Variants in ZCCHC14 observed in about 807,000 individuals in gnomAD.
The protein encoded by ZCCHC14 is zinc finger CCHC domain-containing protein 14.
In ZCCHC14, 16 loss-of-function variants were observed where a neutral mutation model predicts 85.0. The ratio of observed to expected loss-of-function variants is 0.19; its 90% confidence interval spans 0.13 to 0.29. The LOEUF is 0.29. Among genes scored for constraint, ZCCHC14 ranks in the 10% least tolerant of loss-of-function variants. The pLI, the probability that ZCCHC14 is intolerant of heterozygous loss-of-function variation, is 1.00. For missense variants in ZCCHC14, 1,303 were observed against 1,443.5 expected, an observed-to-expected ratio of 0.90 and a Z score of 1.58; for synonymous variants, 775 against 630.7, an observed-to-expected ratio of 1.23 and a Z score of -3.43.
At position 87,406,517 on chromosome 16, in the gene ZCCHC14, AAG is replaced by A. The variant is rs1315228350; in HGVS notation, c.*3761_*3762del. The A allele has an allele frequency of 6.5e-6, 1 of 152,730 alleles. No individual in the cohort carries two copies. Among genetic ancestry groups the A allele is most frequent in the Non-Finnish European group, 1.5e-5 (1 of 68,036 alleles). 9.5% of individuals were successfully genotyped at this position (152,730 alleles called of 1,614,324 possible). A position where few individuals can be genotyped will look rare whatever the true frequency, so the allele number is the denominator to read the frequency against. ...GGGAGAATTTTCCTTCATTCCTAAA[AAG>A]AAAATATGTCCAATAGAAGCTGTGA... On this transcript the variant is annotated 3_prime_UTR_variant, in exon 13 of 13. Coordinates refer to ENST00000671377, the MANE Select transcript of ZCCHC14 (RefSeq NM_015144.3).
intron 2 of ZCCHC14, among the ~76,000 whole-genome samples, chr16:87,437,718 C>T (rs2150741720): frequency 6.6e-6 from 1 of 152,350 alleles, no homozygotes; most frequent in South Asian, 2.1e-4. Context: ...TCCAGGTACA[C>T]AACAGGCATT....
At position 87,492,448 on chromosome 16, in the gene ZCCHC14, G is replaced by A. The variant is rs1215382762; in HGVS notation, c.-210C>T. 1 of 145,020 alleles carries A rather than the reference G, an allele frequency of 6.9e-6. No homozygotes were observed. The highest frequency in any genetic ancestry group is 6.8e-5 in the Admixed American group (1 of 14,656). 9.0% of individuals were successfully genotyped at this position (145,020 alleles called of 1,614,324 possible). On this transcript the variant is annotated 5_prime_UTR_variant, in exon 1 of 13. Coordinates refer to ENST00000671377, the MANE Select transcript of ZCCHC14 (RefSeq NM_015144.3). This position sits in a 1 kb window ranked among gnomAD's most constrained non-coding sequence, Gnocchi z 6.7. ...GGCAAGGCTCCCGTCAGGGGCCGGC[G>A]GGCGGGCGCGCGCGGGGCGCCGGGG...
chr16:87,420,440 C>A lies in ZCCHC14; in HGVS notation c.950+167G>T, dbSNP rs947043473. ...AGAACCACTCTCAGCTTACTGAGGG[C>A]TCCCGAATCCTCCAGAACTAATGGA... is the stretch of plus-strand genomic sequence containing the variant. On this transcript the variant is annotated intron_variant, in intron 5 of 12. Transcript: ENST00000671377. This position sits in a 1 kb window ranked among gnomAD's most constrained non-coding sequence, Gnocchi z 5.0. Among the ~76,000 whole-genome samples the A allele has an allele frequency of 2.6e-5, 4 of 152,180 alleles. No homozygotes were observed. The highest frequency in any genetic ancestry group is 5.9e-5 in the Non-Finnish European group (4 of 68,030).
intron 2 of ZCCHC14, among the ~76,000 whole-genome samples, chr16:87,444,024 G>C (rs1910311449): frequency 7.5e-6 from 1 of 133,942 alleles, no homozygotes; most frequent in Non-Finnish European, 1.6e-5. Context: ...GTGACAGAGT[G>C]AGACTCTATC....
rs151272343 is a variant in ZCCHC14 at position 87,487,611 on chromosome 16, A to G, written c.570+4058T>C. On this transcript the variant is annotated intron_variant, in intron 1 of 12. Transcript: ENST00000671377. Reference sequence around the variant, plus strand: ...GAGCCCTCAGGACAGCCCCGCACCGACACGTGCGCCAGCGGTCCACAGAGG... The same window carrying G: ...GAGCCCTCAGGACAGCCCCGCACCGGCACGTGCGCCAGCGGTCCACAGAGG... Among the ~76,000 whole-genome samples, 699 of 152,376 alleles carry G rather than the reference A, an allele frequency of 4.6e-3. 3 individuals carry two copies. The highest frequency in any genetic ancestry group is 0.015 in the African/African-American group (641 of 41,590).
chr16:87,410,025 A>G lies in ZCCHC14; in HGVS notation c.*255T>C, dbSNP rs993777049. 3 of 357,724 alleles carry G rather than the reference A, an allele frequency of 8.4e-6. No homozygotes were observed. Among genetic ancestry groups the G allele is most frequent in the African/African-American group, 4.3e-5 (2 of 46,996 alleles). The allele number at this position is 357,724 out of a possible 1,614,324, so 22.2% of individuals were successfully genotyped here. A position where few individuals can be genotyped will look rare whatever the true frequency, so the allele number is the denominator to read the frequency against. On this transcript the variant is annotated 3_prime_UTR_variant, in exon 13 of 13. Coordinates refer to ENST00000671377, the MANE Select transcript of ZCCHC14 (RefSeq NM_015144.3). Reference sequence around the variant, plus strand: ...ACATGGCGTCTCTGCACTGCAACCAAAAGTGGAGGTGGCCGATCTCACCAG... The same window carrying G: ...ACATGGCGTCTCTGCACTGCAACCAGAAGTGGAGGTGGCCGATCTCACCAG...
At position 87,467,052 on chromosome 16, in the gene ZCCHC14, T is replaced by G. The variant is rs894060571; in HGVS notation, c.571-6921A>C. On this transcript the variant is annotated intron_variant, in intron 1 of 12. Transcript: ENST00000671377. ...TCATGAAAAAAAAAAATTGTTTTTTTTTTTTTTTTTACTAAAGAGACAGGG... is the reference window on the plus strand; with the variant it reads ...TCATGAAAAAAAAAAATTGTTTTTTGTTTTTTTTTTACTAAAGAGACAGGG... 4.1e-4 allele frequency: 184 copies of G among 451,672 alleles called. 1 individual carries two copies. The highest frequency in any genetic ancestry group is 6.1e-4 in the Non-Finnish European group (154 of 253,226). The allele number at this position is 451,672 out of a possible 1,614,324, so 28.0% of individuals were successfully genotyped here.
At chr16:87,446,447 G>A (rs561656680) in intron 2 of ZCCHC14, among the ~76,000 whole-genome samples, 82 of 149,814 alleles carry the variant, frequency 5.5e-4, no homozygotes, top group African/African-American at 1.7e-3. Flanking sequence ...TTGCGCCACC[G>A]CACTCCAGCC....
At position 87,492,029 on chromosome 16, in the gene ZCCHC14, G is replaced by T; in HGVS notation, c.210C>A (p.Ala70=). ...TCAGGTTGGTGAGGCTGCCCAGGTC[G>T]GCCGGGTTGTTGGCCTTGATCTCCG... ...RDSEIKANNP[A]DLGSLTNLTD... Residue 70 remains alanine (A), a synonymous_variant, in exon 1 of 13, where the codon GCC becomes GCA. Transcript: ENST00000671377. The surrounding 1 kb of genome is among the most constrained non-coding windows in gnomAD (Gnocchi z 6.7). 1 of 1,389,384 alleles carries T rather than the reference G, an allele frequency of 7.2e-7. No individual in the cohort carries two copies. Among genetic ancestry groups the T allele is most frequent in the South Asian group, 1.6e-5 (1 of 61,848 alleles). 86.1% of individuals were successfully genotyped at this position (1,389,384 alleles called of 1,614,324 possible).
chr16:87,421,112 A>T (rs904368581), intron 4 of ZCCHC14, among the ~76,000 whole-genome samples: 1 of 152,234 alleles, frequency 6.6e-6, no homozygotes, highest in Non-Finnish European at 1.5e-5. Flanking sequence ...CCACAGGCTG[A>T]CGTGGCCAAC....
At position 87,408,931 on chromosome 16, in the gene ZCCHC14, C is replaced by T. The variant is rs1382304742; in HGVS notation, c.*1349G>A. On this transcript the variant is annotated 3_prime_UTR_variant, in exon 13 of 13. Transcript: ENST00000671377. ...TTAACATTGAAGACTTTAGCATTTT[C>T]GATAAGAGTATTATTTGAGCAGAAA... 6.6e-6 allele frequency: 1 copy of T among 152,534 alleles called. No homozygotes were observed. Among genetic ancestry groups the T allele is most frequent in the Non-Finnish European group, 1.5e-5 (1 of 68,022 alleles). The allele number at this position is 152,534 out of a possible 1,614,324, so 9.4% of individuals were successfully genotyped here.
intron 1 of ZCCHC14, among the ~76,000 whole-genome samples, chr16:87,487,523 C>G (rs1315188657): frequency 6.6e-6 from 1 of 152,230 alleles, no homozygotes; most frequent in African/African-American, 2.4e-5. Context: ...GCTCCCCAGG[C>G]TGGCTGAGGC....
chr16:87,476,762 G>T (rs2150772447), intron 1 of ZCCHC14, among the ~76,000 whole-genome samples: 1 of 150,296 alleles, frequency 6.7e-6, no homozygotes, highest in East Asian at 2.0e-4. Context: ...GGTGGAAAAT[G>T]GCGGGAGGGA....
intron 2 of ZCCHC14, among the ~76,000 whole-genome samples, chr16:87,456,115 T>C (rs1910947289): frequency 6.6e-6 from 1 of 152,186 alleles, no homozygotes; most frequent in African/African-American, 2.4e-5. Context: ...AAAGTCCTCA[T>C]AATAAAATGT....
chr16:87,486,604 G>C (rs891436297), intron 1 of ZCCHC14, among the ~76,000 whole-genome samples: 2 of 150,350 alleles, frequency 1.3e-5, no homozygotes, highest in African/African-American at 5.0e-5. Flanking sequence ...CCCGTATCAT[G>C]TACTGTACTT....
intron 1 of ZCCHC14, among the ~76,000 whole-genome samples, chr16:87,476,208 C>G (rs1020034005): frequency 6.6e-6 from 1 of 152,060 alleles, no homozygotes. Flanking sequence ...CCTACACTCC[C>G]GAAAATACTA....
At chr16:87,421,633 G>C (rs956873470) in intron 4 of ZCCHC14, among the ~76,000 whole-genome samples, 6 of 152,126 alleles carry the variant, frequency 3.9e-5, no homozygotes, top group African/African-American at 1.4e-4. Context: ...AGGGTAGAGA[G>C]TGCCCTGCTG....
intron 1 of ZCCHC14, among the ~76,000 whole-genome samples, chr16:87,466,073 G>C (rs980528828): frequency 6.6e-6 from 1 of 152,154 alleles, no homozygotes; most frequent in Non-Finnish European, 1.5e-5. Context: ...AAGAGCTGAC[G>C]CTGGCTGCAG....
At chr16:87,448,667 G>C (rs915764738) in intron 2 of ZCCHC14, among the ~76,000 whole-genome samples, 2 of 152,082 alleles carry the variant, frequency 1.3e-5, no homozygotes, top group Non-Finnish European at 2.9e-5. Flanking sequence ...CTCTCTCTTG[G>C]TCTTCATGTT....
Sources: allele counts gnomAD v4.1 joint callset (sites outside exome capture counted in the v4.1 genomes callset), GRCh38; gene constraint gnomAD v4.1.1; non-coding constraint Gnocchi (gnomAD v3.1); transcripts MANE v1.5; gene names NCBI Gene and HGNC (gene_info 2026-07-23, HGNC 2026-07-21).